Variants in ZNF804A observed in about 807,000 individuals in gnomAD.
ZNF804A encodes zinc finger protein 804A.
Under a neutral mutation model 16.5 loss-of-function variants are expected in ZNF804A, and 2 were observed. The observed-to-expected ratio is 0.12, with a 90% CI of 0.05 to 0.38. The LOEUF is 0.38. ZNF804A is among the 10% of genes least tolerant of loss of function. The pLI is 0.99. For missense variants in ZNF804A, 1,473 were observed against 1,390.7 expected, an observed-to-expected ratio of 1.06 and a Z score of -0.94; for synonymous variants, 534 against 489.6, an observed-to-expected ratio of 1.09 and a Z score of -1.20.
intron 1 of ZNF804A, among the ~76,000 whole-genome samples, chr2:184,616,873 C>T (rs1691330319): frequency 6.6e-6 from 1 of 152,100 alleles, no homozygotes; most frequent in South Asian, 2.1e-4. Flanking sequence ...TAAGTGCCCT[C>T]AGATGACTCT....
intron 1 of ZNF804A, among the ~76,000 whole-genome samples, chr2:184,820,869 G>A (rs568249014): frequency 5.3e-5 from 8 of 151,112 alleles, no homozygotes; most frequent in Admixed American, 3.3e-4. Context: ...GGGAAATGAA[G>A]CACCTCTTCA....
rs1341830357 is a variant in ZNF804A at position 184,598,534 on chromosome 2, C to G, written c.-426C>G. 1.3e-5 allele frequency: 2 copies of G among 154,856 alleles called. No homozygotes were observed. Among genetic ancestry groups the G allele is most frequent in the Non-Finnish European group, 2.8e-5 (2 of 70,346 alleles). The allele number at this position is 154,856 out of a possible 1,614,324, so 9.6% of individuals were successfully genotyped here. A position where few individuals can be genotyped will look rare whatever the true frequency, so the allele number is the denominator to read the frequency against. On this transcript the variant is annotated 5_prime_UTR_variant, in exon 1 of 4. Coordinates refer to ENST00000302277, the MANE Select transcript of ZNF804A (RefSeq NM_194250.2). ...TCATGCCTGCCAGCAGCAGCAACTC[C>G]GAGTGCAGGCGCCGAGCGCGGGGGA...
chr2:184,742,348 T>C (rs905384466), intron 1 of ZNF804A, among the ~76,000 whole-genome samples: 6 of 152,002 alleles, frequency 3.9e-5, no homozygotes, highest in African/African-American at 1.4e-4. Context: ...AGGTAATATA[T>C]TCCCTTTCAA....
intron 2 of ZNF804A, among the ~76,000 whole-genome samples, chr2:184,932,303 G>A (rs1685714966): frequency 6.6e-6 from 1 of 152,150 alleles, no homozygotes. Context: ...AGACACATCT[G>A]AGATTGGGTA....
intron 1 of ZNF804A, among the ~76,000 whole-genome samples, chr2:184,682,551 T>G (rs1692560287): frequency 6.6e-6 from 1 of 152,120 alleles, no homozygotes; most frequent in African/African-American, 2.4e-5. Context: ...TCTCCAACCC[T>G]TGTGGCACTG....
At chr2:184,656,674 G>GTATA (rs1692078497) in intron 1 of ZNF804A, among the ~76,000 whole-genome samples, 1 of 151,310 alleles carries the variant, frequency 6.6e-6, no homozygotes, top group East Asian at 1.9e-4. Flanking sequence ...TCTTGTGTGT[G>GTATA]TATATATACA....
At chr2:184,738,587 C>A (rs1472451381) in intron 1 of ZNF804A, among the ~76,000 whole-genome samples, 1 of 152,088 alleles carries the variant, frequency 6.6e-6, no homozygotes, top group Non-Finnish European at 1.5e-5. Context: ...TCTTTTTAGT[C>A]CCATTATATT....
At chr2:184,754,400 T>C (rs920466223) in intron 1 of ZNF804A, among the ~76,000 whole-genome samples, 1 of 151,910 alleles carries the variant, frequency 6.6e-6, no homozygotes, top group Non-Finnish European at 1.5e-5. Context: ...AACTCACTTA[T>C]ATAACCGTTT....
At chr2:184,609,388 CAG>C (rs1451841186) in intron 1 of ZNF804A, among the ~76,000 whole-genome samples, 2 of 152,172 alleles carry the variant, frequency 1.3e-5, no homozygotes, top group Non-Finnish European at 2.9e-5. Flanking sequence ...AGTGTTTTGA[CAG>C]AGAGGCGTGA....
At chr2:184,852,750 T>A (rs1695626195) in intron 1 of ZNF804A, among the ~76,000 whole-genome samples, 1 of 151,826 alleles carries the variant, frequency 6.6e-6, no homozygotes, top group Admixed American at 6.6e-5. Context: ...CAAAAATGCA[T>A]TGACTGTAAA....
rs766236838 is a variant in ZNF804A, at chr2:184,933,663, G to A, written c.316G>A (p.Asp106Asn). 1 of 1,610,922 alleles carries A rather than the reference G, an allele frequency of 6.2e-7. No individual in the cohort carries two copies. Among genetic ancestry groups the A allele is most frequent in the Admixed American group, 1.7e-5 (1 of 59,320 alleles). ...AAATGTAGCATCTAAATCCAGGAAA[G>A]ATGAAAGAAAACAGGAAAAGGCACT... ...ARNVASKSRK[D>N]ERKQEKALQR... Residue 106 changes from aspartate to asparagine, a missense_variant, in exon 3 of 4, where the codon GAT becomes AAT. Asp to Asn is a conservative substitution (Grantham distance 23, BLOSUM62 1). Coordinates refer to ENST00000302277, the MANE Select transcript of ZNF804A (RefSeq NM_194250.2).
At chr2:184,876,260 T>C (rs1684673953) in intron 2 of ZNF804A, among the ~76,000 whole-genome samples, 1 of 152,192 alleles carries the variant, frequency 6.6e-6, no homozygotes, top group Non-Finnish European at 1.5e-5. Context: ...TTAAAGGAAT[T>C]ACTTCTTGAT....
chr2:184,891,350 A>G (rs1434679044), intron 2 of ZNF804A, among the ~76,000 whole-genome samples: 2 of 152,160 alleles, frequency 1.3e-5, no homozygotes, highest in Non-Finnish European at 2.9e-5. Flanking sequence ...AACTCAGAGT[A>G]TCTTCTTCAG....
intron 1 of ZNF804A, among the ~76,000 whole-genome samples, chr2:184,737,886 G>C (rs1693653273): frequency 6.6e-6 from 1 of 152,156 alleles, no homozygotes; most frequent in South Asian, 2.1e-4. Flanking sequence ...CACTTTGGAA[G>C]GCCGAGGCAG....
At chr2:184,713,030 A>T (rs1185436312) in intron 1 of ZNF804A, among the ~76,000 whole-genome samples, 1 of 151,730 alleles carries the variant, frequency 6.6e-6, no homozygotes, top group Admixed American at 6.6e-5. Flanking sequence ...TAATTTAGGT[A>T]ACTGGAGATT....
intron 1 of ZNF804A, among the ~76,000 whole-genome samples, chr2:184,749,818 G>A (rs1176270398): frequency 6.6e-6 from 1 of 151,050 alleles, no homozygotes; most frequent in Non-Finnish European, 1.5e-5. Flanking sequence ...AAGTAAAACT[G>A]CTAAAGATTT....
At chr2:184,818,135 A>T (rs554413644) in intron 1 of ZNF804A, among the ~76,000 whole-genome samples, 7 of 152,028 alleles carry the variant, frequency 4.6e-5, no homozygotes, top group Non-Finnish European at 8.8e-5. Context: ...AATTAAAGAC[A>T]AAATATTAAG....
intron 1 of ZNF804A, among the ~76,000 whole-genome samples, chr2:184,831,503 T>C (rs964929227): frequency 1.2e-4 from 19 of 152,052 alleles, no homozygotes; most frequent in African/African-American, 4.6e-4. Flanking sequence ...GTGATTTCAG[T>C]TTTTTTGTTC....
At position 184,723,759 on chromosome 2, in the gene ZNF804A, A is replaced by G. The variant is rs1574180984; in HGVS notation, c.111+124689A>G. Reference sequence around the variant, plus strand: ...AATGATTTTCCATACAAGATTGTGTAATCCCTAGCAAAACTGTAATGATTT... The same window carrying G: ...AATGATTTTCCATACAAGATTGTGTGATCCCTAGCAAAACTGTAATGATTT... On this transcript the variant is annotated intron_variant, in intron 1 of 3. Transcript: ENST00000302277. Among the ~76,000 whole-genome samples, 8 of 151,858 alleles carry G rather than the reference A, an allele frequency of 5.3e-5. 1 individual carries two copies. Among genetic ancestry groups the G allele is most frequent in the Admixed American group, 5.3e-4 (8 of 15,206 alleles).
Sources: gnomAD v4.1 joint callset for allele counts (sites outside exome capture counted in the v4.1 genomes callset) on GRCh38, gnomAD v4.1.1 for gene constraint, MANE v1.5 for transcripts, NCBI Gene and HGNC (gene_info 2026-07-23, HGNC 2026-07-21) for gene names.